Variants in GFRA2 observed in about 807,000 individuals in gnomAD.
The protein encoded by GFRA2 is GDNF family receptor alpha 2, also known as GDNF family receptor alpha-2.
GFRA2 carries 17 observed loss-of-function variants against 48.3 expected under a neutral mutation model. The observed-to-expected ratio is 0.35, with a 90% confidence interval of 0.24 to 0.53. The LOEUF is 0.53. Ranked by LOEUF, GFRA2 falls within the 20% of genes least tolerant of loss-of-function variation. The pLI, the probability that GFRA2 is intolerant of heterozygous loss-of-function variation, is 0.93. For missense variants in GFRA2, 660 were observed against 637.3 expected, an observed-to-expected ratio of 1.04 and a Z score of -0.38; for synonymous variants, 305 against 257.2, an observed-to-expected ratio of 1.19 and a Z score of -1.78.
chr8:21,731,792 A>T (rs544853060), intron 4 of GFRA2, among the ~76,000 whole-genome samples: 38 of 152,356 alleles, frequency 2.5e-4, no homozygotes, highest in Non-Finnish European at 3.7e-4. Flanking sequence ...GCAAACAGCG[A>T]AGGAGACAGA....
Position 21,775,012 on chromosome 8 carries a change from G to A in GFRA2, c.399C>T (p.Ser133=). 1 of 1,606,510 alleles carries A rather than the reference G, an allele frequency of 6.2e-7. No homozygotes were observed. The highest frequency in any genetic ancestry group is 2.2e-5 in the East Asian group (1 of 44,818). ...CAAGCCTGAAGATGTCCGAGAGGCG[G>A]GAGGTCACCGGCTCATAGGGGGAGG... ...YEASPYEPVT[S]RLSDIFRLAS... is the part of the protein sequence containing the mutation. Residue 133 remains serine (S), a synonymous_variant, in exon 3 of 9, where the codon TCC becomes TCT. Transcript: ENST00000524240.
chr8:21,768,401 T>C (rs1410590068), intron 3 of GFRA2, among the ~76,000 whole-genome samples: 1 of 152,190 alleles, frequency 6.6e-6, no homozygotes, highest in Non-Finnish European at 1.5e-5. Flanking sequence ...TTCCAGTTCT[T>C]CCCTGCCCTC....
At position 21,734,128 on chromosome 8, in the gene GFRA2, G is replaced by A. The variant is rs75331128; in HGVS notation, c.794+16460C>T. 8.3e-3 allele frequency among the ~76,000 whole-genome samples: 1,261 copies of A among 152,316 alleles called. 10 individuals carry two copies. The highest frequency in any genetic ancestry group is 0.013 in the Non-Finnish European group (880 of 68,032). On this transcript the variant is annotated intron_variant, in intron 4 of 8. Transcript: ENST00000524240. ...CCAAGCCTGCAGCGTGCAGTGGACC[G>A]GCCTGGCTTCTGGAAGAAGCAGAGG...
At chr8:21,793,021 G>C (rs7843220), upstream of GFRA2, among the ~76,000 whole-genome samples, 76,418 of 151,892 alleles carry the variant, frequency 0.5, 20,442 homozygotes, top group African/African-American at 0.68. Flanking sequence ...GAGTCGAGAT[G>C]GCACCACTGC....
intron 1 of GFRA2, among the ~76,000 whole-genome samples, chr8:21,785,282 C>T (rs1314234604): frequency 6.6e-6 from 1 of 152,150 alleles, no homozygotes; most frequent in African/African-American, 2.4e-5. Flanking sequence ...GAACTGAGGG[C>T]TTCCCCCATC....
rs143788221 is a variant in GFRA2, at chr8:21,735,645, C to G, written c.794+14943G>C. Among the ~76,000 whole-genome samples the G allele has an allele frequency of 9.3e-3, 1,409 of 152,232 alleles. 14 individuals are homozygous for G. Among genetic ancestry groups the G allele is most frequent in the African/African-American group, 0.033 (1,362 of 41,538 alleles). On this transcript the variant is annotated intron_variant, in intron 4 of 8. Transcript: ENST00000524240. The stretch of plus-strand genomic sequence containing the variant: ...CAAATGAAAGAAACAACAATATAGC[C>G]AGGTGCTCATTGTTGTGTTGTTTTC...
At chr8:21,713,331 G>A (rs2117408546) in intron 4 of GFRA2, among the ~76,000 whole-genome samples, 1 of 152,012 alleles carries the variant, frequency 6.6e-6, no homozygotes, top group Admixed American at 6.5e-5. Flanking sequence ...CCGTAGCTGG[G>A]ATTACAGGTG....
chr8:21,717,462 G>T (rs562678161), intron 4 of GFRA2, among the ~76,000 whole-genome samples: 1 of 152,326 alleles, frequency 6.6e-6, no homozygotes, highest in South Asian at 2.1e-4. Flanking sequence ...ACAAGATTCA[G>T]AAGTATATTT....
intron 2 of GFRA2, among the ~76,000 whole-genome samples, chr8:21,775,639 C>T (rs1447782566): frequency 6.6e-6 from 1 of 152,210 alleles, no homozygotes; most frequent in Non-Finnish European, 1.5e-5. Flanking sequence ...AGAATTTCCT[C>T]TTTGCCCCCC....
At position 21,750,053 on chromosome 8, in the gene GFRA2, G is replaced by GTA. The variant is rs1453276156; in HGVS notation, c.794+533_794+534dup. Among the ~76,000 whole-genome samples, 7 of 150,818 alleles carry GTA rather than the reference G, an allele frequency of 4.6e-5. No individual in the cohort carries two copies. The highest frequency in any genetic ancestry group is 2.0e-4 in the East Asian group (1 of 5,096). ...ATTTAGCTCTATATAATATATGTAA[G>GTA]TATATATATGTGTATATATGTGTGT... On this transcript the variant is annotated intron_variant, in intron 4 of 8. Coordinates refer to ENST00000524240, the MANE Select transcript of GFRA2 (RefSeq NM_001495.5). The surrounding 1 kb of genome is among the most constrained non-coding windows in gnomAD (Gnocchi z 5.7).
intron 4 of GFRA2, among the ~76,000 whole-genome samples, chr8:21,745,448 C>T (rs1804958297): frequency 6.6e-6 from 1 of 152,222 alleles, no homozygotes; most frequent in African/African-American, 2.4e-5. Flanking sequence ...AGAGGCTTTC[C>T]CAGGACACCC....
chr8:21,694,051 A>ATATATT (rs1554482933), intron 8 of GFRA2, among the ~76,000 whole-genome samples: 5 of 124,238 alleles, frequency 4.0e-5, no homozygotes, highest in African/African-American at 1.7e-4. Flanking sequence ...AGATATATAT[A>ATATATT]TATTTATATA....
intron 4 of GFRA2, among the ~76,000 whole-genome samples, chr8:21,706,732 A>G (rs999321748): frequency 3.9e-5 from 6 of 152,148 alleles, no homozygotes; most frequent in Admixed American, 1.3e-4. Context: ...CTCTGTCAGC[A>G]TCGATGACAC....
chr8:21,798,798 G>A lies in GFRA2; in HGVS notation c.-36+6219C>T, dbSNP rs964025768. Among the ~76,000 whole-genome samples, 36 of 152,260 alleles carry A rather than the reference G, an allele frequency of 2.4e-4. No homozygotes were observed. In the East Asian group the frequency reaches 4.4e-3, roughly 19 times the overall value. On this transcript the variant is annotated intron_variant, in intron 2 of 10. Coordinates refer to the GFRA2 transcript ENST00000517328. ...ACAGCTTTTGCTACTCCAGTGACTC[G>A]GTGCTCCTTTGTAAAAAGGAACTTT...
intron 3 of GFRA2, among the ~76,000 whole-genome samples, chr8:21,756,851 T>C (rs975047475): frequency 3.3e-5 from 5 of 152,138 alleles, no homozygotes; most frequent in African/African-American, 1.2e-4. Flanking sequence ...GAGCTAGAAA[T>C]TGATCCCAGT....
At chr8:21,765,734 A>G (rs1806120830) in intron 3 of GFRA2, among the ~76,000 whole-genome samples, 1 of 152,116 alleles carries the variant, frequency 6.6e-6, no homozygotes, top group African/African-American at 2.4e-5. Context: ...AAAATGGCCA[A>G]TACAGAACTC....
chr8:21,720,412 G>A lies in GFRA2; in HGVS notation c.795-14371C>T, dbSNP rs146196812. Among the ~76,000 whole-genome samples, 499 of 152,280 alleles carry A rather than the reference G, an allele frequency of 3.3e-3. 1 individual carries two copies. The highest frequency in any genetic ancestry group is 5.3e-3 in the Non-Finnish European group (362 of 68,012). ...CAAGGAGTTTCTGGGAAGAGTAACC[G>A]AGATTCCCAAGAAGTACCAGGGACC... On this transcript the variant is annotated intron_variant, in intron 4 of 8. Coordinates refer to ENST00000524240, the MANE Select transcript of GFRA2 (RefSeq NM_001495.5).
intron 1 of GFRA2, among the ~76,000 whole-genome samples, chr8:21,785,193 C>A (rs1236621711): frequency 3.9e-5 from 6 of 152,134 alleles, no homozygotes; most frequent in African/African-American, 1.4e-4. Flanking sequence ...CATAAGGACG[C>A]TTTTTTTGCT....
At chr8:21,801,223 C>A (rs1807764068) in intron 2 of GFRA2, among the ~76,000 whole-genome samples, 1 of 152,116 alleles carries the variant, frequency 6.6e-6, no homozygotes, top group African/African-American at 2.4e-5. Flanking sequence ...TTGGATCAGA[C>A]CCAGGAATAT....
Sources: gnomAD v4.1 joint callset for allele counts (sites outside exome capture counted in the v4.1 genomes callset) on GRCh38, gnomAD v4.1.1 for gene constraint, Gnocchi (gnomAD v3.1) non-coding constraint, MANE v1.5 for transcripts, NCBI Gene and HGNC (gene_info 2026-07-23, HGNC 2026-07-21) for gene names.